TPD52: variants seen among roughly 807,000 people sequenced by gnomAD.
The protein encoded by TPD52 is prostate and colon associated protein.
TPD52 carries 17 observed loss-of-function variants against 31.3 expected under a neutral mutation model. That is an observed-to-expected ratio of 0.54 (90% CI 0.37 to 0.82). TPD52 has a LOEUF of 0.82. TPD52 is among the 40% of genes least tolerant of loss of function. The pLI is 0.00. For missense variants in TPD52, 212 were observed against 240.1 expected (o/e 0.88, Z 0.77); for synonymous variants, 83 against 89.6 (o/e 0.93, Z 0.42).
At chr8:80,121,645 C>T (rs1337256533) in intron 1 of TPD52, among the ~76,000 whole-genome samples, 1 of 152,216 alleles carries the variant, frequency 6.6e-6, no homozygotes, top group African/African-American at 2.4e-5. Flanking sequence ...ACATCTGTTA[C>T]AGGGAGTTCC....
chr8:80,087,452 A>C (rs980272548), intron 1 of TPD52, among the ~76,000 whole-genome samples: 1 of 152,222 alleles, frequency 6.6e-6, no homozygotes, highest in African/African-American at 2.4e-5. Context: ...CACTATTCTT[A>C]TTCTTGCAAT....
At chr8:80,138,914 C>A (rs1185864859) in intron 1 of TPD52, among the ~76,000 whole-genome samples, 1 of 152,182 alleles carries the variant, frequency 6.6e-6, no homozygotes, top group Non-Finnish European at 1.5e-5. Context: ...ACGAGCCAAC[C>A]AGATGACCTG....
At chr8:80,054,734 C>A (rs1811696067) in intron 2 of TPD52, among the ~76,000 whole-genome samples, 1 of 121,900 alleles carries the variant, frequency 8.2e-6, no homozygotes, top group African/African-American at 3.4e-5. Context: ...AAATGTGATG[C>A]AGCTGCCAAG....
intron 1 of TPD52, among the ~76,000 whole-genome samples, chr8:80,068,179 A>C (rs912855385): frequency 2.6e-5 from 4 of 152,134 alleles, no homozygotes; most frequent in African/African-American, 9.7e-5. Flanking sequence ...GGAAGTCTAC[A>C]TGTTATCTTA....
intron 1 of TPD52, among the ~76,000 whole-genome samples, chr8:80,111,190 C>A (rs1807474033): frequency 6.6e-6 from 1 of 152,086 alleles, no homozygotes; most frequent in African/African-American, 2.4e-5. Flanking sequence ...CCAGCCTGGG[C>A]TACAGAGCAA....
At chr8:80,135,856 A>C (rs1286190329) in intron 1 of TPD52, among the ~76,000 whole-genome samples, 3 of 141,124 alleles carry the variant, frequency 2.1e-5, no homozygotes, top group Non-Finnish European at 4.6e-5. Flanking sequence ...ATTGGAAATC[A>C]TCATTCTCAG....
At chr8:80,075,220 G>T (rs1266953847) in intron 1 of TPD52, among the ~76,000 whole-genome samples, 2 of 151,986 alleles carry the variant, frequency 1.3e-5, no homozygotes, top group African/African-American at 4.8e-5. Context: ...CTCATGATCC[G>T]CCTGCCTCGG....
intron 1 of TPD52, among the ~76,000 whole-genome samples, chr8:80,127,289 G>T (rs1263671551): frequency 6.6e-6 from 1 of 152,144 alleles, no homozygotes; most frequent in East Asian, 1.9e-4. Flanking sequence ...CAAACTGATG[G>T]CCTGAATATT....
At chr8:80,162,957 C>CAA (rs36069407) in intron 1 of TPD52, among the ~76,000 whole-genome samples, 26 of 151,416 alleles carry the variant, frequency 1.7e-4, no homozygotes, top group African/African-American at 5.1e-4. Context: ...AACAAACAAA[C>CAA]AAAAAAAACG....
At chr8:80,060,632 T>C (rs2130642789) in intron 2 of TPD52, among the ~76,000 whole-genome samples, 1 of 149,618 alleles carries the variant, frequency 6.7e-6, no homozygotes, top group African/African-American at 2.6e-5. Flanking sequence ...CCAAGTGGAA[T>C]ATATCCTAGG....
rs1319779195 is a variant in TPD52, at chr8:80,161,712, T to TTATATA, written c.19+9707_19+9712dup. 2.6e-3 allele frequency among the ~76,000 whole-genome samples: 365 copies of TTATATA among 140,582 alleles called. 1 individual carries two copies. Among genetic ancestry groups the TTATATA allele is most frequent in the African/African-American group, 8.7e-3 (323 of 37,200 alleles). The allele number at this position is 140,582 out of a possible 152,430, so 92.2% of individuals were successfully genotyped here. A position where few individuals can be genotyped will look rare whatever the true frequency, so the allele number is the denominator to read the frequency against. On this transcript the variant is annotated intron_variant, in intron 1 of 7. Coordinates refer to ENST00000518937, the MANE Select transcript of TPD52 (RefSeq NM_001025253.3). ...TCCAAAACTTTTATCAAGAACACATTTATATATATATATATATATATTTTT... is the reference window on the plus strand; with the variant it reads ...TCCAAAACTTTTATCAAGAACACATTTATATATATATATATATATATATATATTTTT...
chr8:80,160,889 CAAAAAAAAAAAAAA>C (rs58923055), intron 1 of TPD52, among the ~76,000 whole-genome samples: 4 of 95,098 alleles, frequency 4.2e-5, no homozygotes, highest in Non-Finnish European at 5.9e-5. Context: ...ACTAAAAATA[CAAAAAAAAAAAAAA>C]AAAAAAAAAA....
intron 2 of TPD52, among the ~76,000 whole-genome samples, chr8:80,063,171 G>T (rs1812727457): frequency 6.6e-6 from 1 of 151,954 alleles, no homozygotes; most frequent in African/African-American, 2.4e-5. Flanking sequence ...TGGATAAATG[G>T]ATAAACAAAA....
intron 1 of TPD52, among the ~76,000 whole-genome samples, chr8:80,103,645 T>G (rs552616918): frequency 1.3e-5 from 2 of 152,190 alleles, no homozygotes; most frequent in Non-Finnish European, 2.9e-5. Flanking sequence ...CCCTGCACAT[T>G]TGGAGGTCAT....
intron 1 of TPD52, among the ~76,000 whole-genome samples, chr8:80,114,628 A>C (rs564181679): frequency 6.6e-6 from 1 of 152,274 alleles, no homozygotes; most frequent in South Asian, 2.1e-4. Flanking sequence ...GCCCTAACTG[A>C]CCTTTCCATC....
At chr8:80,098,364 A>G (rs900567161) in intron 1 of TPD52, among the ~76,000 whole-genome samples, 2 of 152,222 alleles carry the variant, frequency 1.3e-5, no homozygotes, top group African/African-American at 4.8e-5. Flanking sequence ...AACCTTCTGG[A>G]AAGGATTCAC....
At chr8:80,147,370 G>C (rs192397369) in intron 1 of TPD52, among the ~76,000 whole-genome samples, 2 of 152,108 alleles carry the variant, frequency 1.3e-5, no homozygotes, top group African/African-American at 4.8e-5. Flanking sequence ...AAACACTGCC[G>C]ATCACAAAAA....
chr8:80,081,156 C>CTT lies in TPD52; in HGVS notation c.20-16565_20-16564dup, dbSNP rs5892705. 1.7e-3 allele frequency among the ~76,000 whole-genome samples: 189 copies of CTT among 109,330 alleles called. 1 individual carries two copies. The highest frequency in any genetic ancestry group is 3.6e-3 in the African/African-American group (99 of 27,140). The allele number at this position is 109,330 out of a possible 152,430, so 71.7% of individuals were successfully genotyped here. A position where few individuals can be genotyped will look rare whatever the true frequency, so the allele number is the denominator to read the frequency against. ...TCAGACTGACTTTTCTTTTCTCTCT[C>CTT]TTTTTTTTTTTTTTTTTTTTTTTAG... On this transcript the variant is annotated intron_variant, in intron 1 of 7. Transcript: ENST00000518937.
intron 1 of TPD52, among the ~76,000 whole-genome samples, chr8:80,079,007 T>A (rs1814916818): frequency 1.3e-5 from 2 of 152,128 alleles, no homozygotes; most frequent in Admixed American, 6.6e-5. Context: ...CCGATCAAGG[T>A]CCACCTGAAG....
Sources: gnomAD v4.1 joint callset for allele counts (sites outside exome capture counted in the v4.1 genomes callset) on GRCh38, gnomAD v4.1.1 for gene constraint, MANE v1.5 for transcripts, NCBI Gene and HGNC (gene_info 2026-07-23, HGNC 2026-07-21) for gene names.